Variants in HRG observed in about 807,000 individuals in gnomAD.
HRG encodes histidine-rich glycoprotein.
Under a neutral mutation model 29.5 loss-of-function variants are expected in HRG, and 26 were observed. That is an observed-to-expected ratio of 0.88 (90% CI 0.65 to 1.22). The LOEUF is 1.22. Ranked by LOEUF, HRG falls within the 50% of genes most tolerant of loss-of-function variation. The pLI is 0.00. For synonymous variants in HRG, 243 were observed against 240.4 expected (o/e 1.01, Z -0.10); for missense variants, 671 against 654.5 (o/e 1.03, Z -0.28).
Position 186,677,988 on chromosome 3 carries a change from T to G in HRG, c.*105T>G. ...TACAGTTCTTTTCAACCTACTTTCA[T>G]ACTGAAGATGCAGCAAAATGTGAAT... On this transcript the variant is annotated 3_prime_UTR_variant, in exon 7 of 7. Coordinates refer to ENST00000232003, the MANE Select transcript of HRG (RefSeq NM_000412.5). 8.8e-7 allele frequency: 1 copy of G among 1,134,290 alleles called. No individual in the cohort carries two copies. The highest frequency in any genetic ancestry group is 1.3e-6 in the Non-Finnish European group (1 of 774,328). 70.3% of individuals were successfully genotyped at this position (1,134,290 alleles called of 1,614,324 possible).
In HRG at chr3:186,671,689, G is replaced by T. The variant is rs749884290; in HGVS notation, c.458G>T (p.Arg153Leu). The T allele has an allele frequency of 6.2e-7, 1 of 1,613,912 alleles. No individual in the cohort carries two copies. The change falls in exon 4 of 7, where the codon CGC (arginine) becomes CTC (leucine). Residue 153 changes from arginine to leucine, a missense_variant. Transcript: ENST00000232003. The stretch of plus-strand genomic sequence containing the variant: ...ATAGATTTCTTTGAGGATACTGAGC[G>T]CTACAGAAAACAAGCCAACAAAGCC... ...VLIDFFEDTE[R>L]YRKQANKALE...
chr3:186,676,886 C>A (rs1003793425), intron 6 of HRG, 161 bp from the exon 7 acceptor site: 15 of 230,234 alleles, frequency 6.5e-5, no homozygotes, highest in Non-Finnish European at 2.1e-5. Context: ...TTTTAAATAT[C>A]AACTGGGCTA....
In HRG at chr3:186,677,853, C is replaced by T. The variant is rs1719058456; in HGVS notation, c.1548C>T (p.Ser516=). The T allele has an allele frequency of 6.2e-7, 1 of 1,613,998 alleles. No homozygotes were observed. Among genetic ancestry groups the T allele is most frequent in the Admixed American group, 1.7e-5 (1 of 60,020 alleles). Residue 516 remains serine, a synonymous_variant, in exon 7 of 7, where the codon TCC becomes TCT. Coordinates refer to ENST00000232003, the MANE Select transcript of HRG (RefSeq NM_000412.5). ...GKFKSGFPQV[S]MFFTHTFPK ...TCAAGAGTGGGTTTCCACAAGTTTC[C>T]ATGTTTTTTACACATACATTTCCAA...
intron 6 of HRG, among the ~76,000 whole-genome samples, chr3:186,675,701 T>A (rs1718960126): frequency 6.6e-6 from 1 of 152,128 alleles, no homozygotes; most frequent in Non-Finnish European, 1.5e-5. Context: ...ATTTTGCATC[T>A]GTCTCAGAAA....
Position 186,678,095 on chromosome 3 carries a change from G to A in HRG, c.*212G>A. 7.3e-6 allele frequency: 4 copies of A among 549,820 alleles called. No individual in the cohort carries two copies. Among genetic ancestry groups the A allele is most frequent in the South Asian group, 4.1e-5 (2 of 48,408 alleles). 34.1% of individuals were successfully genotyped at this position (549,820 alleles called of 1,614,324 possible). On this transcript the variant is annotated 3_prime_UTR_variant, in exon 7 of 7. Coordinates refer to ENST00000232003, the MANE Select transcript of HRG (RefSeq NM_000412.5). ...GTGCTGCCTATTAGTAGTTAATTCT[G>A]TCACTCACCACTACATCACTTGAGA...
chr3:186,674,115 T>G (rs1193195081), intron 5 of HRG: 2 of 152,306 alleles, frequency 1.3e-5, no homozygotes, highest in East Asian at 3.9e-4. Context: ...AAACCATCCA[T>G]TAGTACCTTT....
chr3:186,674,372 A>G (rs1718901736), intron 5 of HRG: 1 of 157,592 alleles, frequency 6.3e-6, no homozygotes, highest in Admixed American at 6.0e-5. Context: ...CCCATTTTAC[A>G]ATGGCTGACT....
intron 3 of HRG, among the ~76,000 whole-genome samples, chr3:186,670,730 A>G (rs1227220188): frequency 6.6e-6 from 1 of 152,126 alleles, no homozygotes; most frequent in Non-Finnish European, 1.5e-5. Flanking sequence ...TATTTTTAGT[A>G]GAGATGGAGT....
At position 186,671,729 on chromosome 3, in the gene HRG, AGAG is replaced by A; in HGVS notation, c.502_504del (p.Glu168del). 6.2e-7 allele frequency: 1 copy of A among 1,614,062 alleles called. No homozygotes were observed. The highest frequency in any genetic ancestry group is 8.5e-7 in the Non-Finnish European group (1 of 1,179,942). ...CCAACAAAGCCCTTGAGAAGTACAAAGAGGAGAATGATGACTTTGCCTCTTTCA... is the reference window on the plus strand; with the variant it reads ...CCAACAAAGCCCTTGAGAAGTACAAAGAGAATGATGACTTTGCCTCTTTCA... On this transcript the variant is annotated inframe_deletion, in exon 4 of 7. Coordinates refer to ENST00000232003, the MANE Select transcript of HRG (RefSeq NM_000412.5).
At chr3:186,675,573 A>G (rs912450296) in intron 6 of HRG, among the ~76,000 whole-genome samples, 1 of 152,084 alleles carries the variant, frequency 6.6e-6, no homozygotes, top group Non-Finnish European at 1.5e-5. Flanking sequence ...TGTAGTCGGG[A>G]CTCTAGTGCT....
At chr3:186,670,964 A>C (rs1718767077) in intron 3 of HRG, among the ~76,000 whole-genome samples, 1 of 152,170 alleles carries the variant, frequency 6.6e-6, no homozygotes, top group Non-Finnish European at 1.5e-5. Flanking sequence ...AGGAGTTTGC[A>C]TTGAAGAAAG....
intron 5 of HRG, chr3:186,673,156 T>C (rs548993708): frequency 2.3e-6 from 1 of 441,782 alleles, no homozygotes; most frequent in African/African-American, 2.0e-5. Flanking sequence ...CAGGTTGGAG[T>C]GCAATGGCAC....
At position 186,678,043 on chromosome 3, in the gene HRG, C is replaced by G. The variant is rs943237202; in HGVS notation, c.*160C>G. The G allele has an allele frequency of 2.8e-6, 2 of 721,772 alleles. No individual in the cohort carries two copies. Among genetic ancestry groups the G allele is most frequent in the Non-Finnish European group, 4.6e-6 (2 of 435,084 alleles). The allele number at this position is 721,772 out of a possible 1,614,324, so 44.7% of individuals were successfully genotyped here. On this transcript the variant is annotated 3_prime_UTR_variant, in exon 7 of 7. Transcript: ENST00000232003. The stretch of plus-strand genomic sequence containing the variant: ...AAAGAGATGGCCTGAGAAGAGAGAT[C>G]AAATGGAAAGGAGAGGAAAGAACTC...
chr3:186,667,699 G>A (rs1718657594), intron 1 of HRG, among the ~76,000 whole-genome samples: 2 of 152,074 alleles, frequency 1.3e-5, no homozygotes. Flanking sequence ...ACCACTTCTA[G>A]GTGGGTATGG....
Position 186,677,092 on chromosome 3 carries a change from T to A in HRG, c.787T>A (p.Phe263Ile). Residue 263 changes from phenylalanine (F) to isoleucine (I), a missense_variant, in exon 7 of 7, where the codon TTC becomes ATC. Phe to Ile is a conservative substitution (Grantham distance 21, BLOSUM62 0). Coordinates refer to ENST00000232003, the MANE Select transcript of HRG (RefSeq NM_000412.5). ...TGTACCGCCTCATTTGGGACATCCCTTCCACTGGGGTGGGCATGAGCGTTC... is the reference window on the plus strand; with the variant it reads ...TGTACCGCCTCATTTGGGACATCCCATCCACTGGGGTGGGCATGAGCGTTC... ...NGVPPHLGHP[F>I]HWGGHERSST... 1 of 1,613,962 alleles carries A rather than the reference T, an allele frequency of 6.2e-7. No homozygotes were observed. Among genetic ancestry groups the A allele is most frequent in the Non-Finnish European group, 8.5e-7 (1 of 1,179,934 alleles).
Position 186,666,075 on chromosome 3 carries a change from A to G in HRG, c.44A>G (p.Tyr15Cys). 1 of 1,614,236 alleles carries G rather than the reference A, an allele frequency of 6.2e-7. No individual in the cohort carries two copies. The highest frequency in any genetic ancestry group is 8.5e-7 in the Non-Finnish European group (1 of 1,180,022). Residue 15 changes from tyrosine to cysteine, a missense_variant, in exon 1 of 7, where the codon TAT becomes TGT. Coordinates refer to ENST00000232003, the MANE Select transcript of HRG (RefSeq NM_000412.5). ...IAALLLITLQ[Y>C]SCAVSPTDCS... ...GCACTGCTTTTGATCACATTGCAGTATTCGTGTGCCGTGAGTCCCACTGAC... is the reference window on the plus strand; with the variant it reads ...GCACTGCTTTTGATCACATTGCAGTGTTCGTGTGCCGTGAGTCCCACTGAC...
rs761749686 is a variant in HRG at position 186,677,681 on chromosome 3, A to C, written c.1376A>C (p.Tyr459Ser). The change falls in exon 7 of 7, where the codon TAC becomes TCC. Residue 459 changes from tyrosine to serine, a missense_variant. Tyr to Ser is a moderately radical substitution (Grantham distance 144, BLOSUM62 -2). Transcript: ENST00000232003. ...CATTGCAGACAAATTGGATCTGTGT[A>C]CCGACTCCCTCCTCTAAGAAAAGGT... is the stretch of plus-strand genomic sequence containing the variant. ...PFHCRQIGSV[Y>S]RLPPLRKGEV... 1 of 1,613,242 alleles carries C rather than the reference A, an allele frequency of 6.2e-7. No individual in the cohort carries two copies. The highest frequency in any genetic ancestry group is 1.1e-5 in the South Asian group (1 of 91,062).
Position 186,673,818 on chromosome 3 carries a change from A to G in HRG, c.639+951A>G, listed in dbSNP as rs368159274. ...TCTAATCATTTACAAATAGATTCCCATGTACCTGCCAGAAGACATTATTAA... is the reference window on the plus strand; with the variant it reads ...TCTAATCATTTACAAATAGATTCCCGTGTACCTGCCAGAAGACATTATTAA... On this transcript the variant is annotated intron_variant, in intron 5 of 6. Transcript: ENST00000232003. The G allele has an allele frequency of 3.9e-5, 6 of 152,292 alleles. No individual in the cohort carries two copies. In the East Asian group the frequency reaches 9.7e-4, roughly 25 times the overall value. 9.4% of individuals were successfully genotyped at this position (152,292 alleles called of 1,614,324 possible).
chr3:186,671,725 A>G lies in HRG; in HGVS notation c.494A>G (p.Tyr165Cys). The change falls in exon 4 of 7, where the codon TAC (tyrosine) becomes TGC (cysteine). Residue 165 changes from tyrosine to cysteine, a missense_variant. Tyr to Cys is a radical substitution (Grantham distance 194, BLOSUM62 -2). Transcript: ENST00000232003. ...CAAGCCAACAAAGCCCTTGAGAAGT[A>G]CAAAGAGGAGAATGATGACTTTGCC... ...RKQANKALEK[Y>C]KEENDDFASF... is the part of the protein sequence containing the mutation. The G allele has an allele frequency of 6.2e-7, 1 of 1,614,002 alleles. No homozygotes were observed. The highest frequency in any genetic ancestry group is 8.5e-7 in the Non-Finnish European group (1 of 1,179,908).
Sources: gnomAD v4.1 joint callset for allele counts (sites outside exome capture counted in the v4.1 genomes callset) on GRCh38, gnomAD v4.1.1 for gene constraint, MANE v1.5 for transcripts, NCBI Gene and HGNC (gene_info 2026-07-23, HGNC 2026-07-21) for gene names.